Variants in CDH4 observed in about 807,000 individuals in gnomAD.
CDH4 encodes cadherin-4.
In CDH4, 33 loss-of-function variants were observed where a neutral mutation model predicts 86.0. The observed-to-expected ratio is 0.38, with a 90% CI of 0.29 to 0.51. The LOEUF is 0.51. Among genes scored for constraint, CDH4 ranks in the 20% least tolerant of loss-of-function variants. The probability of loss-of-function intolerance (pLI) is 0.86; values close to 1 mark genes in which losing one functional copy is unlikely to be tolerated. For missense variants in CDH4, 1,114 were observed against 1,307.4 expected (o/e 0.85, Z 2.28); for synonymous variants, 555 against 549.4 (o/e 1.01, Z -0.14).
intron 2 of CDH4, among the ~76,000 whole-genome samples, chr20:61,565,265 G>GCTCTTGGTGGTGGTGGTA (rs2086274969): frequency 9.2e-5 from 2 of 21,742 alleles, no homozygotes; most frequent in Admixed American, 4.8e-4. Flanking sequence ...TGATGGTGGT[G>GCTCTTGGTGGTGGTGGTA]GTGGTCCTCT....
rs1265996747 is a variant in CDH4 at position 61,807,537 on chromosome 20, G to A, written c.576+34355G>A. Among the ~76,000 whole-genome samples the A allele has an allele frequency of 1.3e-5, 2 of 152,204 alleles. No homozygotes were observed. The highest frequency in any genetic ancestry group is 4.8e-5 in the African/African-American group (2 of 41,454). On this transcript the variant is annotated intron_variant, in intron 4 of 15. Coordinates refer to ENST00000614565, the MANE Select transcript of CDH4 (RefSeq NM_001794.5). The surrounding 1 kb of genome is among the most constrained non-coding windows in gnomAD (Gnocchi z 4.5). ...GTTGCAGCCCTTTCTCCCCGTCAAG[G>A]TGCAGCTGTGTCCACCATCAGCGAG...
intron 3 of CDH4, 92 bp from the exon 4 acceptor site, chr20:61,772,911 G>T: frequency 8.6e-7 from 1 of 1,162,078 alleles, no homozygotes; most frequent in African/African-American, 1.5e-5. Context: ...TCTCAGTCTC[G>T]GGCAGTACAG....
At chr20:61,566,481 C>T (rs955908572) in intron 2 of CDH4, among the ~76,000 whole-genome samples, 3 of 152,106 alleles carry the variant, frequency 2.0e-5, no homozygotes, top group Admixed American at 6.5e-5. Context: ...CAGCGTAGAA[C>T]GCTCATTTTT....
chr20:61,882,782 C>G (rs927707643), intron 7 of CDH4, among the ~76,000 whole-genome samples: 1 of 152,180 alleles, frequency 6.6e-6, no homozygotes, highest in South Asian at 2.1e-4. Flanking sequence ...TGGATATTCC[C>G]GAGGGTTTCC....
intron 2 of CDH4, among the ~76,000 whole-genome samples, chr20:61,739,625 G>T (rs566885133): frequency 6.6e-6 from 1 of 152,382 alleles, no homozygotes; most frequent in African/African-American, 2.4e-5. Context: ...AGAGTCCAGA[G>T]TGCGGGTCCT....
At position 61,684,168 on chromosome 20, in the gene CDH4, A is replaced by G. The variant is rs745583483; in HGVS notation, c.170-59395A>G. 1.3e-5 allele frequency among the ~76,000 whole-genome samples: 2 copies of G among 152,242 alleles called. No individual in the cohort carries two copies. Among genetic ancestry groups the G allele is most frequent in the Non-Finnish European group, 2.9e-5 (2 of 68,036 alleles). On this transcript the variant is annotated intron_variant, in intron 2 of 15. Coordinates refer to ENST00000614565, the MANE Select transcript of CDH4 (RefSeq NM_001794.5). The surrounding 1 kb of genome is among the most constrained non-coding windows in gnomAD (Gnocchi z 4.5). ...CTGCCCTCTGGATGCCAAACATTCT[A>G]GAAACCCCCAAAGGAATAAATGCAG...
intron 2 of CDH4, among the ~76,000 whole-genome samples, chr20:61,670,236 T>C (rs539416886): frequency 3.6e-4 from 55 of 152,302 alleles, no homozygotes; most frequent in African/African-American, 1.3e-3. Flanking sequence ...TCCCTTTGAG[T>C]TGACTCTGTG....
At chr20:61,762,895 C>T (rs1350356253) in intron 3 of CDH4, among the ~76,000 whole-genome samples, 1 of 152,240 alleles carries the variant, frequency 6.6e-6, no homozygotes, top group Non-Finnish European at 1.5e-5. Context: ...CACAGAGCAC[C>T]TTGACCATGG....
At chr20:61,291,877 C>T (rs1304643265) in intron 2 of CDH4, among the ~76,000 whole-genome samples, 1 of 152,184 alleles carries the variant, frequency 6.6e-6, no homozygotes, top group Non-Finnish European at 1.5e-5. Flanking sequence ...AGTTGTCTTT[C>T]CTGCTCCTCT....
At chr20:61,363,553 G>T (rs1020390775) in intron 2 of CDH4, among the ~76,000 whole-genome samples, 2 of 152,144 alleles carry the variant, frequency 1.3e-5, no homozygotes, top group Admixed American at 6.5e-5. Flanking sequence ...TTAAATAAGG[G>T]GGATCTGGCC....
intron 14 of CDH4, 94 bp downstream of exon 14, chr20:61,933,218 G>A: frequency 6.7e-7 from 1 of 1,482,658 alleles, no homozygotes; most frequent in East Asian, 2.3e-5. Context: ...TTAACAGTAA[G>A]ACATTTCAAC....
rs2085839935 is a variant in CDH4 at position 61,518,344 on chromosome 20, C to G, written c.170-225219C>G. On this transcript the variant is annotated intron_variant, in intron 2 of 15. Transcript: ENST00000614565. The surrounding 1 kb of genome is among the most constrained non-coding windows in gnomAD (Gnocchi z 6.3). ...ACCTCTTCCCTATGCTAAGTCTGTT[C>G]CACCTAAAGGAAAGGTACGTTATCA... Among the ~76,000 whole-genome samples the G allele has an allele frequency of 6.6e-6, 1 of 152,136 alleles. No individual in the cohort carries two copies. Among genetic ancestry groups the G allele is most frequent in the Admixed American group, 6.5e-5 (1 of 15,280 alleles).
At chr20:61,446,633 T>A (rs1004595311) in intron 2 of CDH4, among the ~76,000 whole-genome samples, 2 of 152,148 alleles carry the variant, frequency 1.3e-5, no homozygotes, top group Admixed American at 1.3e-4. Context: ...TTTTCACACA[T>A]CTCTGTTCAT....
intron 6 of CDH4, among the ~76,000 whole-genome samples, chr20:61,862,081 C>T (rs1040986184): frequency 3.2e-4 from 49 of 152,194 alleles, no homozygotes; most frequent in Non-Finnish European, 2.4e-4. Context: ...CTGTCCCCCA[C>T]GCTCTGCGCC....
chr20:61,726,213 A>G (rs1456492550), intron 2 of CDH4, among the ~76,000 whole-genome samples: 2 of 152,064 alleles, frequency 1.3e-5, no homozygotes, highest in African/African-American at 4.8e-5. Flanking sequence ...GATGCCACAG[A>G]AGAAACAGGA....
intron 4 of CDH4, among the ~76,000 whole-genome samples, chr20:61,797,615 T>C (rs1050613184): frequency 2.7e-5 from 4 of 150,368 alleles, no homozygotes; most frequent in Admixed American, 1.3e-4. Context: ...CAAGATCCCA[T>C]CTCTACAAAA....
At chr20:61,533,732 A>G (rs962572887) in intron 2 of CDH4, among the ~76,000 whole-genome samples, 6 of 152,220 alleles carry the variant, frequency 3.9e-5, no homozygotes, top group Admixed American at 6.5e-5. Flanking sequence ...AGGGGAATAG[A>G]TGGGGTGAGG....
intron 8 of CDH4, among the ~76,000 whole-genome samples, chr20:61,909,114 C>A (rs1197098580): frequency 6.6e-6 from 1 of 152,222 alleles, no homozygotes; most frequent in Admixed American, 6.5e-5. Context: ...AACATTCTGC[C>A]CCTAACAGTG....
At chr20:61,628,791 C>T (rs2086856154) in intron 2 of CDH4, among the ~76,000 whole-genome samples, 1 of 152,216 alleles carries the variant, frequency 6.6e-6, no homozygotes, top group Non-Finnish European at 1.5e-5. Flanking sequence ...CCTCTGCATC[C>T]CAGGTCGTCT....
Sources: allele counts gnomAD v4.1 joint callset (sites outside exome capture counted in the v4.1 genomes callset), GRCh38; gene constraint gnomAD v4.1.1; non-coding constraint Gnocchi (gnomAD v3.1); transcripts MANE v1.5; gene names NCBI Gene and HGNC (gene_info 2026-07-23, HGNC 2026-07-21).